Variants in WWP1 observed in about 807,000 individuals in gnomAD.
WWP1 encodes the protein WW domain containing E3 ubiquitin protein ligase 1.
A neutral mutation model predicts 130.6 loss-of-function variants in WWP1; 49 were observed. The observed-to-expected ratio is 0.38, with a 90% CI of 0.30 to 0.48. The LOEUF (loss-of-function observed/expected upper bound fraction) is 0.48. Among genes scored for constraint, WWP1 ranks in the 20% least tolerant of loss-of-function variants. The probability of loss-of-function intolerance (pLI) is 0.99; values close to 1 mark genes in which losing one functional copy is unlikely to be tolerated. For synonymous variants in WWP1, 332 were observed against 367.8 expected, an observed-to-expected ratio of 0.90 and a Z score of 1.11; for missense variants, 809 against 1,100.6, an observed-to-expected ratio of 0.74 and a Z score of 3.75.
At chr8:86,350,239 C>T (rs917897709) in intron 1 of WWP1, among the ~76,000 whole-genome samples, 6 of 152,138 alleles carry the variant, frequency 3.9e-5, no homozygotes, top group Admixed American at 6.5e-5. Context: ...TATCCACTAT[C>T]GCTTTATTTT....
At chr8:86,360,449 T>G (rs1823525961) in intron 1 of WWP1, among the ~76,000 whole-genome samples, 1 of 152,234 alleles carries the variant, frequency 6.6e-6, no homozygotes, top group Non-Finnish European at 1.5e-5. Context: ...CTTTTCATAG[T>G]TCCTGCCTGC....
chr8:86,448,004 A>G lies in WWP1; in HGVS notation c.1999-144A>G, dbSNP rs944794432. 6.0e-6 allele frequency: 4 copies of G among 666,058 alleles called. No homozygotes were observed. In the African/African-American group the frequency reaches 7.7e-5, roughly 13 times the overall value. 41.3% of individuals were successfully genotyped at this position (666,058 alleles called of 1,614,324 possible). A position where few individuals can be genotyped will look rare whatever the true frequency, so the allele number is the denominator to read the frequency against. On this transcript the variant is annotated intron_variant, in intron 18 of 24. Coordinates refer to ENST00000517970, the MANE Select transcript of WWP1 (RefSeq NM_007013.4). The stretch of plus-strand genomic sequence containing the variant: ...TTTTTCATACCTAGCATTTTATATA[A>G]TATTTTAGTTTTCATGATTTATGCC...
At chr8:86,424,673 C>T (rs1809493500) in intron 9 of WWP1, among the ~76,000 whole-genome samples, 1 of 151,652 alleles carries the variant, frequency 6.6e-6, no homozygotes, top group Non-Finnish European at 1.5e-5. Flanking sequence ...GGCATGGCGG[C>T]GCACGACTGC....
intron 1 of WWP1, among the ~76,000 whole-genome samples, chr8:86,352,196 C>T (rs531069807): frequency 1.8e-4 from 27 of 150,186 alleles, no homozygotes; most frequent in Admixed American, 2.7e-4. Context: ...AGGTGTGTGC[C>T]GCGACACCTA....
At chr8:86,378,832 A>G (rs1189029645) in intron 3 of WWP1, among the ~76,000 whole-genome samples, 1 of 152,172 alleles carries the variant, frequency 6.6e-6, no homozygotes, top group Non-Finnish European at 1.5e-5. Context: ...AATACTATAT[A>G]GTCAGTAATA....
intron 1 of WWP1, among the ~76,000 whole-genome samples, chr8:86,353,186 A>G (rs7837581): frequency 0.14 from 22,028 of 152,142 alleles, 1,759 homozygotes; most frequent in Non-Finnish European, 0.19. Flanking sequence ...TTTGAATTTT[A>G]AATTAATGAA....
rs184485924 is a variant in WWP1 at position 86,408,819 on chromosome 8, A to G, written c.725-2719A>G. On this transcript the variant is annotated intron_variant, in intron 8 of 24. Coordinates refer to ENST00000517970, the MANE Select transcript of WWP1 (RefSeq NM_007013.4). The stretch of plus-strand genomic sequence containing the variant: ...CTGCTACTTGGGAGGCTGGGGCAGG[A>G]GAATTGCTTGAACCTGGGGTGCTGA... 3.4e-3 allele frequency among the ~76,000 whole-genome samples: 521 copies of G among 152,140 alleles called. 1 individual carries two copies. Among genetic ancestry groups the G allele is most frequent in the Non-Finnish European group, 6.5e-3 (439 of 68,022 alleles).
chr8:86,376,962 A>T (rs2130336332), intron 3 of WWP1, among the ~76,000 whole-genome samples: 1 of 152,266 alleles, frequency 6.6e-6, no homozygotes, highest in Non-Finnish European at 1.5e-5. Context: ...ACTACTCCTG[A>T]TTTGTCAGTG....
chr8:86,461,687 T>G lies in WWP1; in HGVS notation c.2597-87T>G, dbSNP rs989587690. The G allele has an allele frequency of 3.9e-6, 4 of 1,018,850 alleles. No homozygotes were observed. In the African/African-American group the frequency reaches 4.8e-5, roughly 12 times the overall value. 63.1% of individuals were successfully genotyped at this position (1,018,850 alleles called of 1,614,324 possible). A position where few individuals can be genotyped will look rare whatever the true frequency, so the allele number is the denominator to read the frequency against. The stretch of plus-strand genomic sequence containing the variant: ...CTTTATTTTGTATCATTCATATGAC[T>G]GTGCAACATGTTCTATTATTTAAGC... On this transcript the variant is annotated intron_variant, in intron 23 of 24. Transcript: ENST00000517970.
chr8:86,351,395 A>G (rs996229224), intron 1 of WWP1, among the ~76,000 whole-genome samples: 1 of 152,100 alleles, frequency 6.6e-6, no homozygotes, highest in African/African-American at 2.4e-5. Context: ...CTAGAGAGCA[A>G]TAGTGTGATC....
At chr8:86,436,543 A>G (rs372778349) in intron 16 of WWP1, among the ~76,000 whole-genome samples, 94 of 152,336 alleles carry the variant, frequency 6.2e-4, no homozygotes, top group African/African-American at 1.9e-3. Context: ...TGTGAGCTCC[A>G]TGAGAGCAGG....
intron 21 of WWP1, among the ~76,000 whole-genome samples, chr8:86,455,089 AG>A (rs1400319500): frequency 6.6e-6 from 1 of 152,046 alleles, no homozygotes; most frequent in African/African-American, 2.4e-5. Context: ...GCCCTTTTAT[AG>A]GTTAACATCT....
intron 2 of WWP1, 35 bp downstream of exon 2, chr8:86,369,066 A>G (rs564909763): frequency 1.3e-5 from 2 of 152,168 alleles, no homozygotes; most frequent in East Asian, 1.9e-4. Context: ...AACTAAGACT[A>G]TAATTAATAG....
intron 14 of WWP1, among the ~76,000 whole-genome samples, chr8:86,433,548 TAA>T (rs563924796): frequency 7.1e-6 from 1 of 141,260 alleles, no homozygotes. Flanking sequence ...AGCTAGTCTC[TAA>T]AAAAAAAAAA....
intron 1 of WWP1, among the ~76,000 whole-genome samples, chr8:86,365,057 A>G (rs1352769527): frequency 1.3e-5 from 2 of 152,132 alleles, no homozygotes; most frequent in Non-Finnish European, 2.9e-5. Flanking sequence ...ATGTTACTGG[A>G]AAAGAAGATG....
At chr8:86,382,665 C>T (rs1825047982) in intron 5 of WWP1, among the ~76,000 whole-genome samples, 1 of 152,160 alleles carries the variant, frequency 6.6e-6, no homozygotes, top group African/African-American at 2.4e-5. Flanking sequence ...CACCACTGCA[C>T]TCCCAGCCTG....
rs2130014623 is a variant in WWP1, at chr8:86,342,950, G to T, written c.-115+20G>T. On this transcript the variant is annotated intron_variant, in intron 1 of 24. Transcript: ENST00000517970. ...CGCCGGGTAAGGACGGCGCGGCGCGGGGCTGGGGGTGCGAATGGGCAGGGC... is the reference window on the plus strand; with the variant it reads ...CGCCGGGTAAGGACGGCGCGGCGCGTGGCTGGGGGTGCGAATGGGCAGGGC... The T allele has an allele frequency of 3.0e-6, 1 of 334,764 alleles. No individual in the cohort carries two copies. Among genetic ancestry groups the T allele is most frequent in the South Asian group, 1.5e-4 (1 of 6,868 alleles). 20.7% of individuals were successfully genotyped at this position (334,764 alleles called of 1,614,324 possible). A position where few individuals can be genotyped will look rare whatever the true frequency, so the allele number is the denominator to read the frequency against.
Position 86,468,020 on chromosome 8 carries a change from TCATA to T in WWP1, c.*1128_*1131del, listed in dbSNP as rs1812267158. 1 of 154,460 alleles carries T rather than the reference TCATA, an allele frequency of 6.5e-6. No individual in the cohort carries two copies. The highest frequency in any genetic ancestry group is 1.4e-5 in the Non-Finnish European group (1 of 69,666). 9.6% of individuals were successfully genotyped at this position (154,460 alleles called of 1,614,324 possible). ...CATAACACTTTTTAATTGTTTTTCA[TCATA>T]GGGGCCTTTGCTGAACTACAAAAAT... On this transcript the variant is annotated 3_prime_UTR_variant, in exon 25 of 25. Transcript: ENST00000517970.
At chr8:86,440,275 A>C (rs1390322196) in intron 17 of WWP1, among the ~76,000 whole-genome samples, 1 of 152,214 alleles carries the variant, frequency 6.6e-6, no homozygotes, top group Non-Finnish European at 1.5e-5. Context: ...TAGTTCCTCC[A>C]TAACATGATT....
Sources: gnomAD v4.1 joint callset for allele counts (sites outside exome capture counted in the v4.1 genomes callset) on GRCh38, gnomAD v4.1.1 for gene constraint, MANE v1.5 for transcripts, NCBI Gene and HGNC (gene_info 2026-07-23, HGNC 2026-07-21) for gene names.